Variants in FAM171A2 observed in about 807,000 individuals in gnomAD.
FAM171A2 encodes protein FAM171A2.
FAM171A2 carries 13 observed loss-of-function variants against 34.2 expected under a neutral mutation model. The ratio of observed to expected loss-of-function variants is 0.38; its 90% CI spans 0.25 to 0.60. The LOEUF (loss-of-function observed/expected upper bound fraction) is 0.60. Ranked by LOEUF, FAM171A2 falls within the 20% of genes least tolerant of loss-of-function variation. The pLI is 0.62. For missense variants in FAM171A2, 950 were observed against 1,180.7 expected, an observed-to-expected ratio of 0.80 and a Z score of 2.86; for synonymous variants, 475 against 561.2, an observed-to-expected ratio of 0.85 and a Z score of 2.17.
intron 1 of FAM171A2, among the ~76,000 whole-genome samples, chr17:44,363,220 C>G (rs533743498): frequency 1.8e-4 from 27 of 152,246 alleles, no homozygotes; most frequent in Admixed American, 1.8e-3. Context: ...GAGCGAGCAA[C>G]CCGCAGGGGG....
chr17:44,354,476 C>A lies in FAM171A2; in HGVS notation c.1738G>T (p.Asp580Tyr). The A allele has an allele frequency of 9.3e-7, 1 of 1,078,836 alleles. No individual in the cohort carries two copies. The highest frequency in any genetic ancestry group is 4.4e-5 in the South Asian group (1 of 22,948). 66.8% of individuals were successfully genotyped at this position (1,078,836 alleles called of 1,614,324 possible). Residue 580 changes from aspartate to tyrosine, a missense_variant, in exon 8 of 8, where the codon GAC (aspartate) becomes TAC (tyrosine). Coordinates refer to ENST00000293443, the MANE Select transcript of FAM171A2 (RefSeq NM_198475.3). This position sits in a 1 kb window ranked among gnomAD's most constrained non-coding sequence, Gnocchi z 5.8. ...PGPARAFPQP[D>Y]PQRPQMPGHS... ...CCCGGCATCTGCGGGCGCTGGGGGT[C>A]GGGCTGGGGAAAAGCGCGCGCCGGG... is the stretch of plus-strand genomic sequence containing the variant.
At chr17:44,362,728 G>C (rs1279674523) in intron 1 of FAM171A2, among the ~76,000 whole-genome samples, 1 of 152,020 alleles carries the variant, frequency 6.6e-6, no homozygotes, top group Non-Finnish European at 1.5e-5. Flanking sequence ...CCGGTGAGTC[G>C]CTGGGAAGGG....
chr17:44,356,494 A>G lies in FAM171A2; in HGVS notation c.534T>C (p.Pro178=). 6.4e-7 allele frequency: 1 copy of G among 1,550,804 alleles called. No individual in the cohort carries two copies. Among genetic ancestry groups the G allele is most frequent in the Non-Finnish European group, 8.7e-7 (1 of 1,146,952 alleles). Residue 178 remains proline, a synonymous_variant, in exon 4 of 8, where the codon CCT becomes CCC. Coordinates refer to ENST00000293443, the MANE Select transcript of FAM171A2 (RefSeq NM_198475.3). ...CCCGCATTTCCTGCTGGGTGCTGGC[A>G]GGCGTAAGTGACGCCCAGAGCTGGC... ...TYSQLWASLT[P]ASTQQEMRAF... is the part of the protein sequence containing the mutation.
Position 44,353,859 on chromosome 17 carries a change from C to A in FAM171A2, c.2355G>T (p.Leu785=). ...CCGGGCTGGTGAGCGAGTCGCGCCGCAGCTCGCTGGCGCTGCTGCGGGAGC... is the reference window on the plus strand; with the variant it reads ...CCGGGCTGGTGAGCGAGTCGCGCCGAAGCTCGCTGGCGCTGCTGCGGGAGC... ...GDSSRSSASE[L]RRDSLTSPED... Residue 785 remains leucine, a synonymous_variant, in exon 8 of 8, where the codon CTG becomes CTT. Coordinates refer to ENST00000293443, the MANE Select transcript of FAM171A2 (RefSeq NM_198475.3). The A allele has an allele frequency of 7.2e-7, 1 of 1,384,526 alleles. No individual in the cohort carries two copies. The highest frequency in any genetic ancestry group is 9.4e-7 in the Non-Finnish European group (1 of 1,068,266). The allele number at this position is 1,384,526 out of a possible 1,614,324, so 85.8% of individuals were successfully genotyped here. A position where few individuals can be genotyped will look rare whatever the true frequency, so the allele number is the denominator to read the frequency against.
chr17:44,354,893 G>C lies in FAM171A2; in HGVS notation c.1321C>G (p.Leu441Val). Reference sequence around the variant, plus strand: ...CCCTCGGCCGAGCGAGCGCCCTTGAGCCCGGCGCTCTCGCCCCCGCGGGCA... The same window carrying C: ...CCCTCGGCCGAGCGAGCGCCCTTGACCCCGGCGCTCTCGCCCCCGCGGGCA... ...SGARGGESAG[L>V]KGARSAEGPG... The change falls in exon 8 of 8, where the codon CTC becomes GTC. Residue 441 changes from leucine to valine, a missense_variant. Physicochemically the swap from Leu to Val is conservative, Grantham distance 32 (BLOSUM62 1). This residue lies in a region of FAM171A2 where 752 missense variants were observed against 924.5 expected (regional missense o/e 0.81). Coordinates refer to ENST00000293443, the MANE Select transcript of FAM171A2 (RefSeq NM_198475.3). This position sits in a 1 kb window ranked among gnomAD's most constrained non-coding sequence, Gnocchi z 5.8. 7 of 1,387,330 alleles carry C rather than the reference G, an allele frequency of 5.0e-6. No individual in the cohort carries two copies. The South Asian group carries it at 9.5e-5, about 19-fold the overall frequency. 85.9% of individuals were successfully genotyped at this position (1,387,330 alleles called of 1,614,324 possible).
At chr17:44,359,472 G>A in intron 3 of FAM171A2, 107 bp downstream of exon 3, 1 of 882,258 alleles carries the variant, frequency 1.1e-6, no homozygotes, top group Non-Finnish European at 1.8e-6. Context: ...GCTCAGAGAG[G>A]TGAAGTGACT....
rs2048457543 is a variant in FAM171A2 at position 44,363,642 on chromosome 17, A to C, written c.73T>G (p.Ser25Ala). 1.6e-6 allele frequency: 2 copies of C among 1,228,850 alleles called. No homozygotes were observed. The highest frequency in any genetic ancestry group is 7.9e-5 in the South Asian group (2 of 25,266). The allele number at this position is 1,228,850 out of a possible 1,614,324, so 76.1% of individuals were successfully genotyped here. The change falls in exon 1 of 8, where the codon TCC becomes GCC. Residue 25 changes from serine to alanine, a missense_variant. Coordinates refer to ENST00000293443, the MANE Select transcript of FAM171A2 (RefSeq NM_198475.3). Reference sequence around the variant, plus strand: ...GGCGGCGACTTGCCGGGAGCCCGGGAGGCGCTGCCGAGCAGCAGCCCCAGC... The same window carrying C: ...GGCGGCGACTTGCCGGGAGCCCGGGCGGCGCTGCCGAGCAGCAGCCCCAGC... The part of the protein sequence containing the change: ...PLLGLLLGSA[S>A]RAPGKSPPEP...
rs2048419286 is a variant in FAM171A2 at position 44,355,663 on chromosome 17, C to T, written c.1022+52G>A. The T allele has an allele frequency of 1.3e-6, 2 of 1,547,404 alleles. No individual in the cohort carries two copies. The highest frequency in any genetic ancestry group is 1.7e-6 in the Non-Finnish European group (2 of 1,144,696). On this transcript the variant is annotated intron_variant, in intron 7 of 7. Transcript: ENST00000293443. The surrounding 1 kb of genome is among the most constrained non-coding windows in gnomAD (Gnocchi z 4.1). ...AAGTGGATTTTATGCATCTTTGGGG[C>T]CCCAGGGCCCGGTACAAGTGCAGGG... is the stretch of plus-strand genomic sequence containing the variant.
chr17:44,353,880 G>A lies in FAM171A2; in HGVS notation c.2334C>T (p.Ser778=). The A allele has an allele frequency of 7.4e-7, 1 of 1,343,264 alleles. No individual in the cohort carries two copies. Among genetic ancestry groups the A allele is most frequent in the Non-Finnish European group, 9.5e-7 (1 of 1,049,034 alleles). 83.2% of individuals were successfully genotyped at this position (1,343,264 alleles called of 1,614,324 possible). Residue 778 remains serine, a synonymous_variant, in exon 8 of 8, where the codon TCC becomes TCT. Transcript: ENST00000293443. The part of the protein sequence containing the change: ...RGRGRSRGDS[S]RSSASELRRD... Reference sequence around the variant, plus strand: ...GCCGCAGCTCGCTGGCGCTGCTGCGGGAGCTGTCCCCGCGGCTGCGGCCCC... The same window carrying A: ...GCCGCAGCTCGCTGGCGCTGCTGCGAGAGCTGTCCCCGCGGCTGCGGCCCC...
In FAM171A2 at chr17:44,353,614, C is replaced by G. The variant is rs1430159073; in HGVS notation, c.*119G>C. On this transcript the variant is annotated 3_prime_UTR_variant, in exon 8 of 8. Transcript: ENST00000293443. ...CAACCACGGAACAGCTCCAAGGCCC[C>G]TGGGCCCCTCTCCGGCCTGGGGCTG... The G allele has an allele frequency of 5.2e-6, 4 of 769,580 alleles. No homozygotes were observed. In the African/African-American group the frequency reaches 7.4e-5, roughly 14 times the overall value. The allele number at this position is 769,580 out of a possible 1,614,324, so 47.7% of individuals were successfully genotyped here.
intron 3 of FAM171A2, among the ~76,000 whole-genome samples, chr17:44,357,918 C>T (rs561015762): frequency 6.6e-6 from 1 of 152,312 alleles, no homozygotes; most frequent in East Asian, 1.9e-4. Flanking sequence ...CTATTATCAA[C>T]CTCATTTTAG....
Position 44,356,442 on chromosome 17 carries a change from C to T in FAM171A2, c.586G>A (p.Ala196Thr), listed in dbSNP as rs910354400. ...GCACCCAGCCTACCTGAGCTGGAGG[C>T]CTCAGTGCCCAGGAAGGCAGGGAAA... ...RAFPAFLGTE[A>T]SSSGNGSWLE... The change falls in exon 4 of 8, where the codon GCC becomes ACC. Residue 196 changes from alanine (A) to threonine (T), a missense_variant. Transcript: ENST00000293443. 2 of 1,550,894 alleles carry T rather than the reference C, an allele frequency of 1.3e-6. No homozygotes were observed. The highest frequency in any genetic ancestry group is 1.7e-6 in the Non-Finnish European group (2 of 1,146,918).
chr17:44,354,046 C>A lies in FAM171A2; in HGVS notation c.2168G>T (p.Arg723Leu), dbSNP rs1005483249. 7.8e-6 allele frequency: 9 copies of A among 1,148,066 alleles called. No homozygotes were observed. The highest frequency in any genetic ancestry group is 9.6e-6 in the Non-Finnish European group (9 of 934,430). The allele number at this position is 1,148,066 out of a possible 1,614,324, so 71.1% of individuals were successfully genotyped here. A position where few individuals can be genotyped will look rare whatever the true frequency, so the allele number is the denominator to read the frequency against. The change falls in exon 8 of 8, where the codon CGC (arginine) becomes CTC (leucine). Residue 723 changes from arginine (R) to leucine (L), a missense_variant. Around this residue, in one of 3 missense-constraint regions of FAM171A2, gnomAD observed 191 missense variants for 222.8 expected, o/e 0.86. Coordinates refer to ENST00000293443, the MANE Select transcript of FAM171A2 (RefSeq NM_198475.3). This position sits in a 1 kb window ranked among gnomAD's most constrained non-coding sequence, Gnocchi z 5.8. ...AAPPPPPAPP[R>L]LALSEDTEPS... The stretch of plus-strand genomic sequence containing the variant: ...CTCCGTGTCCTCGCTGAGCGCCAGG[C>A]GCGGGGGCGCGGGCGGCGGCGGCGG...
Position 44,354,387 on chromosome 17 carries a change from C to A in FAM171A2, c.1827G>T (p.Ala609=). 1 of 1,277,918 alleles carries A rather than the reference C, an allele frequency of 7.8e-7. No individual in the cohort carries two copies. Among genetic ancestry groups the A allele is most frequent in the Non-Finnish European group, 1.0e-6 (1 of 999,276 alleles). 79.2% of individuals were successfully genotyped at this position (1,277,918 alleles called of 1,614,324 possible). The change falls in exon 8 of 8, where the codon GCG becomes GCT. Residue 609 remains alanine (A), a synonymous_variant. Coordinates refer to ENST00000293443, the MANE Select transcript of FAM171A2 (RefSeq NM_198475.3). The surrounding 1 kb of genome is among the most constrained non-coding windows in gnomAD (Gnocchi z 5.8). ...GGGEGWGAGR[A]APVSGSVTIP... is the part of the protein sequence containing the mutation. The stretch of plus-strand genomic sequence containing the variant: ...TGGTGACTGAGCCACTGACGGGCGC[C>A]GCGCGCCCGGCCCCCCAGCCCTCGC...
At chr17:44,359,493 C>A in intron 3 of FAM171A2, 86 bp downstream of exon 3, 1 of 1,165,194 alleles carries the variant, frequency 8.6e-7, no homozygotes, top group South Asian at 1.4e-5. Flanking sequence ...TGCCCAAGGA[C>A]ACCCAGCTAA....
intron 1 of FAM171A2, among the ~76,000 whole-genome samples, chr17:44,362,310 G>A (rs751777031): frequency 6.6e-6 from 1 of 152,106 alleles, no homozygotes; most frequent in Non-Finnish European, 1.5e-5. Context: ...TCTCCTCCCC[G>A]AGAGAGCTGG....
In FAM171A2 at chr17:44,354,445, G is replaced by C. The variant is rs994065319; in HGVS notation, c.1769C>G (p.Ser590Trp). Reference sequence around the variant, plus strand: ...CCCGCCGCCCTCGCCCCCCGGGCCCGAGTGGCCCGGCATCTGCGGGCGCTG... The same window carrying C: ...CCCGCCGCCCTCGCCCCCCGGGCCCCAGTGGCCCGGCATCTGCGGGCGCTG... ...DPQRPQMPGHSGPGGEGGGGG... is the reference protein window; with the variant it reads ...DPQRPQMPGHWGPGGEGGGGG... Residue 590 changes from serine (S) to tryptophan (W), a missense_variant, in exon 8 of 8, where the codon TCG becomes TGG. This residue lies in a region of FAM171A2 where 752 missense variants were observed against 924.5 expected (regional missense o/e 0.81). Transcript: ENST00000293443. This position sits in a 1 kb window ranked among gnomAD's most constrained non-coding sequence, Gnocchi z 5.8. 4.2e-5 allele frequency: 46 copies of C among 1,102,964 alleles called. No individual in the cohort carries two copies. Among genetic ancestry groups the C allele is most frequent in the Non-Finnish European group, 4.8e-5 (43 of 902,984 alleles). 68.3% of individuals were successfully genotyped at this position (1,102,964 alleles called of 1,614,324 possible).
Position 44,353,818 on chromosome 17 carries a change from G to A in FAM171A2, c.2396C>T (p.Ala799Val), listed in dbSNP as rs552337267. ...GTCTCCCGCCTCGTCGCCCACCTCC[G>A]CCCCCAGCTCGTCCTCCGGGCTGGT... ...SLTSPEDELG[A>V]EVGDEAGDKK... Residue 799 changes from alanine to valine, a missense_variant, in exon 8 of 8, where the codon GCG (alanine) becomes GTG (valine). Physicochemically the swap from Ala to Val is moderately conservative, Grantham distance 64. Transcript: ENST00000293443. The A allele has an allele frequency of 3.5e-4, 494 of 1,423,152 alleles. 1 individual carries two copies. In the African/African-American group the frequency reaches 6.8e-3, roughly 20 times the overall value. 88.2% of individuals were successfully genotyped at this position (1,423,152 alleles called of 1,614,324 possible).
Position 44,360,128 on chromosome 17 carries a change from G to A in FAM171A2, c.123C>T (p.Ile41=). 6.4e-7 allele frequency: 1 copy of A among 1,551,380 alleles called. No individual in the cohort carries two copies. Among genetic ancestry groups the A allele is most frequent in the Non-Finnish European group, 8.7e-7 (1 of 1,146,752 alleles). Residue 41 remains isoleucine (I), a synonymous_variant, in exon 2 of 8, where the codon ATC becomes ATT. Coordinates refer to ENST00000293443, the MANE Select transcript of FAM171A2 (RefSeq NM_198475.3). ...TCACATACACCTGCACCTTGATCAGGATCTCTGTGGGCAAGATGGGGCAAA... is the reference window on the plus strand; with the variant it reads ...TCACATACACCTGCACCTTGATCAGAATCTCTGTGGGCAAGATGGGGCAAA... ...SPPEPPSPQE[I]LIKVQVYVSG...
Sources: allele counts gnomAD v4.1 joint callset (sites outside exome capture counted in the v4.1 genomes callset), GRCh38; gene constraint gnomAD v4.1.1; regional missense constraint gnomAD v4.1.1; non-coding constraint Gnocchi (gnomAD v3.1); transcripts MANE v1.5; gene names NCBI Gene and HGNC (gene_info 2026-07-23, HGNC 2026-07-21).